The following ADAM29 variants were observed in gnomAD, a reference collection of about 807,000 sequenced individuals.
ADAM29 encodes the protein ADAM metallopeptidase domain 29.
For missense variants in ADAM29, 969 were observed against 1,001.8 expected (o/e 0.97, Z 0.44); for synonymous variants, 367 against 342.3 (o/e 1.07, Z -0.80).
rs543633769 is a variant in ADAM29 at position 174,973,483 on chromosome 4, T to C, written c.-180-1863T>C. 2.6e-5 allele frequency among the ~76,000 whole-genome samples: 4 copies of C among 152,294 alleles called. No homozygotes were observed. The South Asian group carries it at 6.2e-4, about 24-fold the overall frequency. ...TTCTTACAAAGATAATTTGTTCAAATTGTTGTTGAAATATGTTCTGGGGAG... is the reference window on the plus strand; with the variant it reads ...TTCTTACAAAGATAATTTGTTCAAACTGTTGTTGAAATATGTTCTGGGGAG... On this transcript the variant is annotated intron_variant, in intron 4 of 4. Transcript: ENST00000359240.
intron 4 of ADAM29, among the ~76,000 whole-genome samples, chr4:174,974,099 G>A: frequency 6.6e-6 from 1 of 152,190 alleles, no homozygotes; most frequent in East Asian, 1.9e-4. Flanking sequence ...TGCACTGAAT[G>A]TGGACTGTGT....
At chr4:174,953,011 G>A (rs1184862799) in intron 4 of ADAM29, among the ~76,000 whole-genome samples, 1 of 152,156 alleles carries the variant, frequency 6.6e-6, no homozygotes, top group Non-Finnish European at 1.5e-5. Flanking sequence ...GCTAGGCTGG[G>A]CGCGATGGCT....
At chr4:174,938,598 TA>T (rs1744331320) in intron 4 of ADAM29, among the ~76,000 whole-genome samples, 1 of 152,170 alleles carries the variant, frequency 6.6e-6, no homozygotes, top group African/African-American at 2.4e-5. Flanking sequence ...AAAACAAAGA[TA>T]AACTTATACT....
intron 4 of ADAM29, among the ~76,000 whole-genome samples, chr4:174,944,142 T>C (rs955104478): frequency 6.6e-5 from 10 of 151,958 alleles, no homozygotes; most frequent in South Asian, 2.1e-4. Context: ...AGCAAAACTT[T>C]GAAAGATTTT....
chr4:174,961,718 CT>C (rs1403779870), intron 4 of ADAM29, among the ~76,000 whole-genome samples: 1 of 152,076 alleles, frequency 6.6e-6, no homozygotes, highest in Non-Finnish European at 1.5e-5. Flanking sequence ...TTTTTTATCA[CT>C]GGCTTTCAGA....
chr4:174,944,557 T>C (rs571297139), intron 4 of ADAM29, among the ~76,000 whole-genome samples: 1 of 152,176 alleles, frequency 6.6e-6, no homozygotes, highest in East Asian at 1.9e-4. Flanking sequence ...GCTTCAGGGA[T>C]CCACATGTAA....
chr4:174,925,483 T>C (rs1370860379), intron 2 of ADAM29, among the ~76,000 whole-genome samples: 3 of 152,228 alleles, frequency 2.0e-5, no homozygotes, highest in African/African-American at 7.2e-5. Context: ...GGCTAAGACA[T>C]ATAGGAGTAA....
intron 4 of ADAM29, among the ~76,000 whole-genome samples, chr4:174,971,070 A>G (rs1377076275): frequency 6.6e-6 from 1 of 152,104 alleles, no homozygotes; most frequent in Non-Finnish European, 1.5e-5. Context: ...CTCTTTTAAC[A>G]TATTTTATTT....
At chr4:174,971,725 T>A (rs897036067) in intron 4 of ADAM29, among the ~76,000 whole-genome samples, 1 of 152,178 alleles carries the variant, frequency 6.6e-6, no homozygotes, top group Non-Finnish European at 1.5e-5. Context: ...GCTTCATGGA[T>A]CTGAATGTCT....
At chr4:174,927,814 T>C (rs1269129501) in intron 2 of ADAM29, among the ~76,000 whole-genome samples, 1 of 152,100 alleles carries the variant, frequency 6.6e-6, no homozygotes, top group Admixed American at 6.5e-5. Context: ...ATAAGCCTGG[T>C]GGGAGAGTGC....
At chr4:174,962,282 C>A (rs894889873) in intron 4 of ADAM29, among the ~76,000 whole-genome samples, 4 of 151,950 alleles carry the variant, frequency 2.6e-5, no homozygotes, top group African/African-American at 7.3e-5. Flanking sequence ...GAGGCCGGGG[C>A]GGGCAGATCA....
chr4:174,940,150 T>C (rs950660956), intron 4 of ADAM29, among the ~76,000 whole-genome samples: 7 of 152,166 alleles, frequency 4.6e-5, no homozygotes, highest in Non-Finnish European at 8.8e-5. Flanking sequence ...GTTAGTTTTC[T>C]TCCAGGGCTG....
chr4:174,946,641 T>C (rs900523979), intron 4 of ADAM29, among the ~76,000 whole-genome samples: 1 of 151,870 alleles, frequency 6.6e-6, no homozygotes, highest in East Asian at 1.9e-4. Context: ...ATTTTAAAGA[T>C]GGCTTTTAGT....
intron 4 of ADAM29, among the ~76,000 whole-genome samples, chr4:174,963,879 C>T (rs532838473): frequency 3.6e-4 from 54 of 151,876 alleles, no homozygotes; most frequent in Admixed American, 5.9e-4. Context: ...ACGGGGTTTC[C>T]AGGCTGGTCT....
rs149943434 is a variant in ADAM29 at position 174,976,728 on chromosome 4, G to A, written c.1203G>A (p.Gly401=). 3.3e-5 allele frequency: 54 copies of A among 1,613,952 alleles called. No homozygotes were observed. In the African/African-American group the frequency reaches 6.3e-4, roughly 19 times the overall value. The change falls in exon 5 of 5, where the codon GGG becomes GGA. Residue 401 remains glycine (G), a synonymous_variant. Coordinates refer to ENST00000359240, the MANE Select transcript of ADAM29 (RefSeq NM_014269.4). ...ACATCTTTAATGTGAAGCGCTGTGG[G>A]AATGGTGTTGTTGAAGAAGGAGAAG... The part of the protein sequence containing the change: ...TKDIFNVKRC[G]NGVVEEGEEC...
chr4:174,964,015 CTT>C, intron 4 of ADAM29, among the ~76,000 whole-genome samples: 1 of 151,792 alleles, frequency 6.6e-6, no homozygotes, highest in Non-Finnish European at 1.5e-5. Flanking sequence ...TATACTTCCT[CTT>C]AAGCTATCTT....
At chr4:174,970,343 G>A (rs1002987484) in intron 4 of ADAM29, among the ~76,000 whole-genome samples, 2 of 152,056 alleles carry the variant, frequency 1.3e-5, no homozygotes, top group Non-Finnish European at 2.9e-5. Flanking sequence ...ATTATACCGT[G>A]AGTCCAATGC....
At chr4:174,933,417 C>A (rs781149175) in intron 3 of ADAM29, among the ~76,000 whole-genome samples, 4 of 152,028 alleles carry the variant, frequency 2.6e-5, no homozygotes, top group Non-Finnish European at 5.9e-5. Context: ...GGAAAAGGAG[C>A]TTTTGTGATA....
intron 1 of ADAM29, among the ~76,000 whole-genome samples, chr4:174,919,233 T>A (rs894258374): frequency 6.6e-6 from 1 of 152,164 alleles, no homozygotes; most frequent in African/African-American, 2.4e-5. Flanking sequence ...GCATAATATA[T>A]CCCAAGGAGG....
Sources: allele counts gnomAD v4.1 joint callset (sites outside exome capture counted in the v4.1 genomes callset), GRCh38; gene constraint gnomAD v4.1.1; transcripts MANE v1.5; gene names NCBI Gene and HGNC (gene_info 2026-07-23, HGNC 2026-07-21).